TTC23L: variants seen among roughly 807,000 people sequenced by gnomAD.
TTC23L encodes tetratricopeptide repeat domain 23 like.
A neutral mutation model predicts 48.1 loss-of-function variants in TTC23L; 42 were observed. The observed-to-expected ratio is 0.87, with a 90% CI of 0.68 to 1.13. The LOEUF (loss-of-function observed/expected upper bound fraction) is 1.13, where lower values mean the gene tolerates loss of function less well. TTC23L is among the 50% of genes most tolerant of loss of function. The pLI is 0.00. For missense variants in TTC23L, 391 were observed against 421.0 expected (o/e 0.93, Z 0.62); for synonymous variants, 159 against 157.2 (o/e 1.01, Z -0.09).
intron 3 of TTC23L, among the ~76,000 whole-genome samples, chr5:34,849,174 G>A (rs751406482): frequency 5.3e-5 from 8 of 152,030 alleles, no homozygotes; most frequent in Non-Finnish European, 1.2e-4. Context: ...AAGAAGGAAT[G>A]ATAGAATTAG....
chr5:34,916,004 G>A, the TTC23L span: 2 of 1,321,314 alleles, frequency 1.5e-6, no homozygotes, highest in East Asian at 2.7e-5. Flanking sequence ...TAGCCCGGGT[G>A]TTAACGGTAG....
rs1011092685 is a variant in TTC23L at position 34,863,689 on chromosome 5, T to G, written c.536+635T>G. Reference sequence around the variant, plus strand: ...AAGCAAAATAGACAAAACAAGTAGTTCTATAAATCCCCAGAGGGGTACTGT... The same window carrying G: ...AAGCAAAATAGACAAAACAAGTAGTGCTATAAATCCCCAGAGGGGTACTGT... On this transcript the variant is annotated intron_variant, in intron 5 of 10. Coordinates refer to ENST00000505624, the Ensembl canonical transcript of TTC23L. The surrounding 1 kb of genome is among the most constrained non-coding windows in gnomAD (Gnocchi z 4.1). Among the ~76,000 whole-genome samples, 6 of 152,250 alleles carry G rather than the reference T, an allele frequency of 3.9e-5. No homozygotes were observed. The highest frequency in any genetic ancestry group is 8.8e-5 in the Non-Finnish European group (6 of 68,042).
chr5:34,866,999 T>C (rs1456987108), exon 7 of TTC23L: 1 of 1,612,026 alleles, frequency 6.2e-7, no homozygotes. Flanking sequence ...CTGATCAGCC[T>C]GTACGAGGAA....
chr5:34,856,555 G>A (rs1210029849), intron 4 of TTC23L, among the ~76,000 whole-genome samples: 1 of 152,156 alleles, frequency 6.6e-6, no homozygotes, highest in East Asian at 1.9e-4. Context: ...ACTAAAGAGG[G>A]GAAATGGTAA....
chr5:34,842,827 A>G (rs1011314510), intron 2 of TTC23L, among the ~76,000 whole-genome samples: 1 of 152,168 alleles, frequency 6.6e-6, no homozygotes, highest in African/African-American at 2.4e-5. Flanking sequence ...GTCACATCCC[A>G]TGGGCCTTCG....
At chr5:34,846,600 T>TATATATATATATATACACACAC (rs61009546) in intron 3 of TTC23L, among the ~76,000 whole-genome samples, 1 of 92,912 alleles carries the variant, frequency 1.1e-5, no homozygotes, top group African/African-American at 5.2e-5. Flanking sequence ...TATATATATA[T>TATATATATATATATACACACAC]ACACACACAT....
At chr5:34,897,392 AT>A (rs1376331956) in intron 10 of TTC23L, among the ~76,000 whole-genome samples, 12 of 151,748 alleles carry the variant, frequency 7.9e-5, no homozygotes, top group South Asian at 2.1e-4. Flanking sequence ...CTAAAGAAAA[AT>A]AAAAAAAAAA....
the TTC23L span, chr5:34,915,087 C>T: frequency 3.4e-6 from 2 of 591,368 alleles, no homozygotes; most frequent in Non-Finnish European, 3.0e-6. Context: ...CCACCTATGT[C>T]ACTTAACTAT....
In TTC23L at chr5:34,858,323, G is replaced by A. The variant is rs369006900; in HGVS notation, c.380-4575G>A. ...AGAGAGTTTTTACATGAAAGAGGACGTACTTAGACTTAGTAAATGTAAATT... is the reference window on the plus strand; with the variant it reads ...AGAGAGTTTTTACATGAAAGAGGACATACTTAGACTTAGTAAATGTAAATT... On this transcript the variant is annotated intron_variant, in intron 4 of 10. Coordinates refer to ENST00000505624, the Ensembl canonical transcript of TTC23L. Among the ~76,000 whole-genome samples, 162 of 152,236 alleles carry A rather than the reference G, an allele frequency of 1.1e-3. 2 individuals carry two copies. In the South Asian group the frequency reaches 0.032, roughly 30 times the overall value.
chr5:34,870,660 C>T (rs1761388950), intron 8 of TTC23L, among the ~76,000 whole-genome samples: 1 of 152,112 alleles, frequency 6.6e-6, no homozygotes, highest in African/African-American at 2.4e-5. Flanking sequence ...AAGATGACTA[C>T]AGTTCAAGAC....
At chr5:34,897,767 A>C (rs1003016420) in intron 10 of TTC23L, among the ~76,000 whole-genome samples, 4 of 152,244 alleles carry the variant, frequency 2.6e-5, no homozygotes, top group Non-Finnish European at 5.9e-5. Context: ...TGTTGAAAGC[A>C]AAGGGTGTAG....
At chr5:34,856,879 G>A (rs1253341414) in intron 4 of TTC23L, among the ~76,000 whole-genome samples, 1 of 152,240 alleles carries the variant, frequency 6.6e-6, no homozygotes, top group East Asian at 1.9e-4. Context: ...TTTCCCCATA[G>A]TGGTTGGAGG....
At chr5:34,890,184 C>T (rs900327230) in intron 9 of TTC23L, among the ~76,000 whole-genome samples, 1 of 151,276 alleles carries the variant, frequency 6.6e-6, no homozygotes, top group Non-Finnish European at 1.5e-5. Context: ...ATGGCTCACA[C>T]CTGTAATCCC....
intron 8 of TTC23L, among the ~76,000 whole-genome samples, chr5:34,879,643 C>CA (rs1437175704): frequency 6.6e-6 from 1 of 151,882 alleles, no homozygotes; most frequent in Non-Finnish European, 1.5e-5. Flanking sequence ...TTTTTTGCTA[C>CA]AAAAAATTCC....
intron 9 of TTC23L, 70 bp downstream of exon 9, chr5:34,880,378 A>T: frequency 6.8e-7 from 1 of 1,468,610 alleles, no homozygotes. Context: ...TTTTCATCTT[A>T]CAATTCAGAT....
downstream of TTC23L, among the ~76,000 whole-genome samples, chr5:34,903,828 T>C (rs1763567670): frequency 1.3e-5 from 2 of 152,296 alleles, no homozygotes; most frequent in East Asian, 3.9e-4. Context: ...TTCTTCTGAA[T>C]TAGCTAACAA....
chr5:34,842,269 C>T (rs1758748685), intron 2 of TTC23L, among the ~76,000 whole-genome samples: 2 of 152,060 alleles, frequency 1.3e-5, no homozygotes, highest in Admixed American at 6.5e-5. Context: ...TTTACATTTA[C>T]AGCACATCTT....
the TTC23L span, among the ~76,000 whole-genome samples, chr5:34,910,588 C>G: frequency 1.3e-5 from 2 of 151,998 alleles, no homozygotes; most frequent in South Asian, 4.1e-4. Context: ...CCACCACGCC[C>G]AACTAATTTT....
At chr5:34,914,741 AC>A in the TTC23L span, 22 of 1,614,194 alleles carry the variant, frequency 1.4e-5, no homozygotes, top group Non-Finnish European at 1.8e-5. Context: ...TTCCACTGTT[AC>A]TTTGATACCA....
Sources: gnomAD v4.1 joint callset for allele counts (sites outside exome capture counted in the v4.1 genomes callset) on GRCh38, gnomAD v4.1.1 for gene constraint, Gnocchi (gnomAD v3.1) non-coding constraint, MANE v1.5 for transcripts, NCBI Gene and HGNC (gene_info 2026-07-23, HGNC 2026-07-21) for gene names.